Variants in PSTPIP2 observed in about 807,000 individuals in gnomAD.
PSTPIP2 encodes the protein proline-serine-threonine phosphatase interacting protein 2.
Under a neutral mutation model 63.3 loss-of-function variants are expected in PSTPIP2, and 33 were observed. That is an observed-to-expected ratio of 0.52 (90% CI 0.40 to 0.70). The LOEUF is 0.70. PSTPIP2 is among the 30% of genes least tolerant of loss of function. The pLI, the probability that PSTPIP2 is intolerant of heterozygous loss-of-function variation, is 0.00. For missense variants in PSTPIP2, 312 were observed against 400.7 expected, an observed-to-expected ratio of 0.78 and a Z score of 1.89; for synonymous variants, 125 against 132.7, an observed-to-expected ratio of 0.94 and a Z score of 0.40.
chr18:46,065,266 G>A (rs1909145267), intron 1 of PSTPIP2, among the ~76,000 whole-genome samples: 1 of 151,490 alleles, frequency 6.6e-6, no homozygotes, highest in African/African-American at 2.4e-5. Context: ...GTTAGGGAAA[G>A]TAGATAGCAA....
At chr18:45,987,171 G>T (rs1460200579) in intron 14 of PSTPIP2, among the ~76,000 whole-genome samples, 1 of 152,190 alleles carries the variant, frequency 6.6e-6, no homozygotes, top group Non-Finnish European at 1.5e-5. Context: ...ATTAGGACAA[G>T]TTGGCATCTG....
intron 3 of PSTPIP2, among the ~76,000 whole-genome samples, chr18:46,023,184 C>T (rs1472485222): frequency 1.3e-5 from 2 of 152,050 alleles, no homozygotes; most frequent in East Asian, 1.9e-4. Context: ...AATACCTGGG[C>T]GATGAAATAA....
intron 1 of PSTPIP2, among the ~76,000 whole-genome samples, chr18:46,063,590 T>C (rs896293472): frequency 6.6e-6 from 1 of 151,554 alleles, no homozygotes; most frequent in African/African-American, 2.4e-5. Context: ...GTCATGCCTA[T>C]ACTGGATGTT....
At chr18:46,008,447 G>A (rs539188061) in intron 5 of PSTPIP2, among the ~76,000 whole-genome samples, 1 of 139,144 alleles carries the variant, frequency 7.2e-6, no homozygotes, top group South Asian at 2.2e-4. Context: ...GAGTAACTGG[G>A]ATTACAGGCA....
intron 9 of PSTPIP2, among the ~76,000 whole-genome samples, chr18:45,996,660 G>A (rs1239360400): frequency 6.6e-6 from 1 of 151,952 alleles, no homozygotes; most frequent in Non-Finnish European, 1.5e-5. Flanking sequence ...GCCAGGCATG[G>A]TGGCTCATGC....
chr18:46,001,453 T>C (rs2051665944), intron 6 of PSTPIP2, among the ~76,000 whole-genome samples: 1 of 152,200 alleles, frequency 6.6e-6, no homozygotes, highest in South Asian at 2.1e-4. Flanking sequence ...TTTGTTTTTT[T>C]TCTTTGCTGT....
rs111730136 is a variant in PSTPIP2 at position 46,064,810 on chromosome 18, T to C, written c.33+7346A>G. Among the ~76,000 whole-genome samples the C allele has an allele frequency of 5.8e-3, 880 of 152,122 alleles. 16 individuals are homozygous for C. The highest frequency in any genetic ancestry group is 0.033 in the Admixed American group (505 of 15,272). Reference sequence around the variant, plus strand: ...ATAGATACTTAAAGAATCCCAATTTTAAATACCTTACACGAATGACATGCA... The same window carrying C: ...ATAGATACTTAAAGAATCCCAATTTCAAATACCTTACACGAATGACATGCA... On this transcript the variant is annotated intron_variant, in intron 1 of 14. Transcript: ENST00000409746.
Position 45,998,309 on chromosome 18 carries a change from G to A in PSTPIP2, c.563-481C>T, listed in dbSNP as rs1047715904. Among the ~76,000 whole-genome samples, 5 of 152,212 alleles carry A rather than the reference G, an allele frequency of 3.3e-5. No individual in the cohort carries two copies. The East Asian group carries it at 9.6e-4, about 29-fold the overall frequency. Reference sequence around the variant, plus strand: ...TTCCTGCAGGATATTCTGGGAATTAGAAGCTTTTGCAAATGCCTGGTTTGG... The same window carrying A: ...TTCCTGCAGGATATTCTGGGAATTAAAAGCTTTTGCAAATGCCTGGTTTGG... On this transcript the variant is annotated intron_variant, in intron 8 of 14. Coordinates refer to ENST00000409746, the MANE Select transcript of PSTPIP2 (RefSeq NM_024430.4).
At chr18:46,008,516 T>A (rs1436185315) in intron 5 of PSTPIP2, among the ~76,000 whole-genome samples, 1 of 151,992 alleles carries the variant, frequency 6.6e-6, no homozygotes, top group African/African-American at 2.4e-5. Flanking sequence ...TTTGCCATGT[T>A]GGCCAGGCTG....
In PSTPIP2 at chr18:46,061,328, A is replaced by T. The variant is rs558048842; in HGVS notation, c.33+10828T>A. On this transcript the variant is annotated intron_variant, in intron 1 of 14. Coordinates refer to ENST00000409746, the MANE Select transcript of PSTPIP2 (RefSeq NM_024430.4). Reference sequence around the variant, plus strand: ...CACCAAAAAAAAAAAAAAAAATCATATATGAAGTTCATGACCAAAATGAGG... The same window carrying T: ...CACCAAAAAAAAAAAAAAAAATCATTTATGAAGTTCATGACCAAAATGAGG... Among the ~76,000 whole-genome samples, 14 of 152,044 alleles carry T rather than the reference A, an allele frequency of 9.2e-5. No individual in the cohort carries two copies. In the South Asian group the frequency reaches 2.3e-3, roughly 25 times the overall value.
rs566226646 is a variant in PSTPIP2, at chr18:46,067,764, C to A, written c.33+4392G>T. On this transcript the variant is annotated intron_variant, in intron 1 of 14. Transcript: ENST00000409746. ...CTCTTTTTTCTGTAAGTATTGCCTG[C>A]CCACTTTTGCCTTGTGGAGCTCTCT... 1.2e-4 allele frequency among the ~76,000 whole-genome samples: 19 copies of A among 152,282 alleles called. No homozygotes were observed. In the South Asian group the frequency reaches 3.5e-3, roughly 28 times the overall value.
At chr18:46,017,009 G>A (rs78648560) in intron 3 of PSTPIP2, among the ~76,000 whole-genome samples, 6 of 151,902 alleles carry the variant, frequency 3.9e-5, no homozygotes, top group African/African-American at 9.7e-5. Context: ...TCACTATTCC[G>A]TCTTGCACCT....
chr18:46,030,487 T>C (rs1440924310), intron 2 of PSTPIP2, among the ~76,000 whole-genome samples: 5 of 152,258 alleles, frequency 3.3e-5, no homozygotes, highest in Admixed American at 2.0e-4. Flanking sequence ...TACTTCCACC[T>C]CCTCAATATT....
chr18:46,006,668 C>T (rs1347993482), intron 5 of PSTPIP2, among the ~76,000 whole-genome samples: 1 of 152,156 alleles, frequency 6.6e-6, no homozygotes, highest in African/African-American at 2.4e-5. Context: ...GCCACCGCGC[C>T]CGGCCTCCCT....
chr18:46,066,431 T>C (rs1299879112), intron 1 of PSTPIP2, among the ~76,000 whole-genome samples: 2 of 152,242 alleles, frequency 1.3e-5, no homozygotes, highest in Non-Finnish European at 2.9e-5. Context: ...ATGTTGTGTG[T>C]CTGTCTCTCT....
At chr18:45,999,385 C>G in intron 7 of PSTPIP2, 51 bp downstream of exon 7, 1 of 1,540,636 alleles carries the variant, frequency 6.5e-7, no homozygotes, top group Non-Finnish European at 9.0e-7. Context: ...TTGGCTTTAG[C>G]CTGACATAGG....
At chr18:46,071,029 C>T (rs1196583402) in intron 1 of PSTPIP2, among the ~76,000 whole-genome samples, 2 of 152,114 alleles carry the variant, frequency 1.3e-5, no homozygotes, top group East Asian at 3.9e-4. Flanking sequence ...TCTGTGGTGC[C>T]CTTGGTTCCT....
At chr18:46,023,192 TA>T (rs1321211666) in intron 3 of PSTPIP2, among the ~76,000 whole-genome samples, 6 of 152,072 alleles carry the variant, frequency 3.9e-5, no homozygotes, top group Non-Finnish European at 7.4e-5. Flanking sequence ...GGCGATGAAA[TA>T]ATATGTACAA....
intron 1 of PSTPIP2, among the ~76,000 whole-genome samples, chr18:46,062,758 A>C (rs1398348186): frequency 1.3e-5 from 2 of 151,934 alleles, no homozygotes; most frequent in African/African-American, 4.8e-5. Flanking sequence ...CTCGTGATCC[A>C]CCTGCCTTGG....
Sources: allele counts gnomAD v4.1 joint callset (sites outside exome capture counted in the v4.1 genomes callset), GRCh38; gene constraint gnomAD v4.1.1; transcripts MANE v1.5; gene names NCBI Gene and HGNC (gene_info 2026-07-23, HGNC 2026-07-21).